Variants in ZDHHC14 observed in about 807,000 individuals in gnomAD.
The protein encoded by ZDHHC14 is zDHHC palmitoyltransferase 14, also known as palmitoyltransferase ZDHHC14.
ZDHHC14 carries 16 observed loss-of-function variants against 47.7 expected under a neutral mutation model. The observed-to-expected ratio is 0.34, with a 90% confidence interval of 0.23 to 0.51. The LOEUF is 0.51. ZDHHC14 is among the 20% of genes least tolerant of loss of function. ZDHHC14 has a pLI of 0.97. For synonymous variants in ZDHHC14, 293 were observed against 278.9 expected, an observed-to-expected ratio of 1.05 and a Z score of -0.50; for missense variants, 515 against 662.5, an observed-to-expected ratio of 0.78 and a Z score of 2.44.
intron 3 of ZDHHC14, among the ~76,000 whole-genome samples, chr6:157,624,647 T>C (rs1426251709): frequency 6.6e-6 from 1 of 152,172 alleles, no homozygotes; most frequent in Non-Finnish European, 1.5e-5. Context: ...AGGAGACAGA[T>C]AGAGCTGGGC....
chr6:157,517,545 A>G (rs1405610005), intron 1 of ZDHHC14, among the ~76,000 whole-genome samples: 1 of 152,154 alleles, frequency 6.6e-6, no homozygotes, highest in Non-Finnish European at 1.5e-5. Context: ...TCCTGACCTC[A>G]AGTGATCCAT....
At chr6:157,389,768 C>G (rs1024663753) in intron 1 of ZDHHC14, among the ~76,000 whole-genome samples, 2 of 152,098 alleles carry the variant, frequency 1.3e-5, no homozygotes, top group African/African-American at 4.8e-5. Flanking sequence ...TCCTCTTACT[C>G]CTTCCACCCT....
At chr6:157,432,828 A>G (rs1472298851) in intron 1 of ZDHHC14, among the ~76,000 whole-genome samples, 2 of 152,248 alleles carry the variant, frequency 1.3e-5, no homozygotes, top group Non-Finnish European at 2.9e-5. Flanking sequence ...GCAGGAAAAC[A>G]GCTTTTCATG....
At chr6:157,636,990 A>G (rs573277057) in intron 5 of ZDHHC14, among the ~76,000 whole-genome samples, 1 of 152,338 alleles carries the variant, frequency 6.6e-6, no homozygotes, top group South Asian at 2.1e-4. Flanking sequence ...TTCCTCCTCC[A>G]GTGAGTCTAT....
intron 3 of ZDHHC14, among the ~76,000 whole-genome samples, chr6:157,608,835 G>A (rs926605188): frequency 6.6e-6 from 1 of 151,990 alleles, no homozygotes; most frequent in African/African-American, 2.4e-5. Context: ...GGAGACGAGA[G>A]GGGGGGCTGT....
At chr6:157,472,626 T>A (rs978417201) in intron 1 of ZDHHC14, among the ~76,000 whole-genome samples, 2 of 152,190 alleles carry the variant, frequency 1.3e-5, no homozygotes, top group African/African-American at 4.8e-5. Flanking sequence ...TCTCCTTTCC[T>A]TATTCTTGCC....
At chr6:157,607,074 G>A (rs920153774) in intron 3 of ZDHHC14, among the ~76,000 whole-genome samples, 1 of 152,098 alleles carries the variant, frequency 6.6e-6, no homozygotes, top group African/African-American at 2.4e-5. Context: ...TCTATATCAC[G>A]ATGTCGAAAT....
intron 2 of ZDHHC14, among the ~76,000 whole-genome samples, chr6:157,546,764 G>T (rs1210610988): frequency 6.6e-6 from 1 of 152,138 alleles, no homozygotes; most frequent in African/African-American, 2.4e-5. Context: ...GAAATCACAG[G>T]ATCAAAGTGT....
chr6:157,537,173 T>C (rs1781575778), intron 1 of ZDHHC14, among the ~76,000 whole-genome samples: 1 of 152,248 alleles, frequency 6.6e-6, no homozygotes, highest in African/African-American at 2.4e-5. Context: ...AGAGGAAGGA[T>C]GCACTCTGAT....
chr6:157,447,852 T>C (rs1025187533), intron 1 of ZDHHC14, among the ~76,000 whole-genome samples: 1 of 152,160 alleles, frequency 6.6e-6, no homozygotes, highest in Non-Finnish European at 1.5e-5. Context: ...CTATAAGCTC[T>C]TGTCAGCGGT....
At chr6:157,428,057 G>A (rs1778258672) in intron 1 of ZDHHC14, among the ~76,000 whole-genome samples, 1 of 152,150 alleles carries the variant, frequency 6.6e-6, no homozygotes, top group African/African-American at 2.4e-5. Context: ...CTGTTCTGCT[G>A]TCGATATGTG....
At chr6:157,653,014 G>A (rs572830850) in intron 7 of ZDHHC14, among the ~76,000 whole-genome samples, 27 of 152,314 alleles carry the variant, frequency 1.8e-4, no homozygotes, top group African/African-American at 5.8e-4. Flanking sequence ...TAGGAAGAGA[G>A]GGGGGAAGAG....
At chr6:157,529,622 G>T (rs1342980733) in intron 1 of ZDHHC14, among the ~76,000 whole-genome samples, 2 of 152,214 alleles carry the variant, frequency 1.3e-5, no homozygotes, top group African/African-American at 4.8e-5. Context: ...CTCCGAGCTT[G>T]TCTTCTCCCC....
intron 1 of ZDHHC14, among the ~76,000 whole-genome samples, chr6:157,460,799 G>A (rs1398315378): frequency 6.6e-6 from 1 of 152,182 alleles, no homozygotes; most frequent in Non-Finnish European, 1.5e-5. Context: ...CTGGGGATGG[G>A]TTAGAGACAG....
At chr6:157,443,906 A>G (rs953372561) in intron 1 of ZDHHC14, among the ~76,000 whole-genome samples, 37 of 152,236 alleles carry the variant, frequency 2.4e-4, no homozygotes, top group Admixed American at 2.6e-4. Flanking sequence ...CATAACCCAG[A>G]TAACACACTT....
intron 1 of ZDHHC14, among the ~76,000 whole-genome samples, chr6:157,444,054 G>A (rs776482830): frequency 1.3e-5 from 2 of 152,124 alleles, no homozygotes; most frequent in Non-Finnish European, 2.9e-5. Context: ...GTAATATTTT[G>A]TTTATTCCTC....
intron 3 of ZDHHC14, among the ~76,000 whole-genome samples, chr6:157,623,393 GT>G (rs1178235014): frequency 9.9e-5 from 15 of 152,198 alleles, no homozygotes; most frequent in Admixed American, 9.8e-4. Context: ...GAAGAAGGAT[GT>G]GTTTGCGTCC....
chr6:157,559,554 A>G (rs1782625877), intron 2 of ZDHHC14, among the ~76,000 whole-genome samples: 1 of 152,194 alleles, frequency 6.6e-6, no homozygotes, highest in Non-Finnish European at 1.5e-5. Context: ...GAGCCCAGCC[A>G]CCCTGCCATC....
intron 2 of ZDHHC14, among the ~76,000 whole-genome samples, chr6:157,566,945 G>C (rs923926863): frequency 6.6e-6 from 1 of 151,760 alleles, no homozygotes; most frequent in Non-Finnish European, 1.5e-5. Context: ...CTGCCACCCG[G>C]GTTCAAGCCA....
Sources: gnomAD v4.1 joint callset for allele counts (sites outside exome capture counted in the v4.1 genomes callset) on GRCh38, gnomAD v4.1.1 for gene constraint, MANE v1.5 for transcripts, NCBI Gene and HGNC (gene_info 2026-07-23, HGNC 2026-07-21) for gene names.